Variants in DOP1B observed in about 807,000 individuals in gnomAD.
DOP1B encodes DOP1 leucine zipper like protein B, also known as protein DOP1B.
Under a neutral mutation model 233.5 loss-of-function variants are expected in DOP1B, and 174 were observed. The ratio of observed to expected loss-of-function variants is 0.75; its 90% CI spans 0.66 to 0.85. DOP1B has a LOEUF of 0.85. Ranked by LOEUF, DOP1B falls within the 40% of genes least tolerant of loss-of-function variation. DOP1B has a pLI of 0.00. For synonymous variants in DOP1B, 1,190 were observed against 1,185.6 expected (o/e 1.00, Z -0.08); for missense variants, 2,652 against 2,846.6 (o/e 0.93, Z 1.56).
rs373117409 is a variant in DOP1B, at chr21:36,278,119, T to A, written c.5822+35T>A. ...TCTTCGCCATTTCTTCCCACCCATA[T>A]GCAGAAAAATATGTTTTCACAAATG... On this transcript the variant is annotated intron_variant, in intron 29 of 36. Transcript: ENST00000691173. 17 of 1,613,048 alleles carry A rather than the reference T, an allele frequency of 1.1e-5. No individual in the cohort carries two copies. In the African/African-American group the frequency reaches 2.1e-4, roughly 20 times the overall value.
chr21:36,162,625 C>G (rs984324990), intron 1 of DOP1B, among the ~76,000 whole-genome samples: 1 of 152,152 alleles, frequency 6.6e-6, no homozygotes, highest in African/African-American at 2.4e-5. Flanking sequence ...ACTGCAACCT[C>G]CATGGCTCCT....
intron 1 of DOP1B, among the ~76,000 whole-genome samples, chr21:36,164,031 G>T (rs1232574147): frequency 6.6e-6 from 1 of 152,212 alleles, no homozygotes; most frequent in Non-Finnish European, 1.5e-5. Flanking sequence ...ACATCTCATT[G>T]TCAAGAGCTG....
intron 1 of DOP1B, among the ~76,000 whole-genome samples, chr21:36,159,158 AAAC>A (rs1206449727): frequency 2.6e-5 from 4 of 151,204 alleles, no homozygotes; most frequent in African/African-American, 4.9e-5. Flanking sequence ...AAACAAAACA[AAAC>A]AAAAAAGAGA....
intron 2 of DOP1B, among the ~76,000 whole-genome samples, chr21:36,177,548 A>G (rs1019311557): frequency 6.6e-6 from 1 of 152,164 alleles, no homozygotes; most frequent in African/African-American, 2.4e-5. Flanking sequence ...CTTAACCCCA[A>G]TTTGACAATA....
At position 36,245,679 on chromosome 21, in the gene DOP1B, G is replaced by A. The variant is rs543386949; in HGVS notation, c.3699G>A (p.Gln1233=). Residue 1233 remains glutamine (Q), a synonymous_variant, in exon 19 of 37, where the codon CAG becomes CAA. Coordinates refer to ENST00000691173, the MANE Select transcript of DOP1B (RefSeq NM_001320714.2). This position sits in a 1 kb window ranked among gnomAD's most constrained non-coding sequence, Gnocchi z 5.5. ...ALFKHILLYL[Q]PYDSRRVLYA... ...TCAAGCACATCCTGCTCTACCTGCA[G>A]CCCTACGACTCTCGGCGGGTCCTCT... 9 of 1,613,734 alleles carry A rather than the reference G, an allele frequency of 5.6e-6. No homozygotes were observed. The East Asian group carries it at 2.0e-4, about 36-fold the overall frequency.
At chr21:36,171,014 G>GGA (rs2065967693) in intron 2 of DOP1B, among the ~76,000 whole-genome samples, 1 of 152,188 alleles carries the variant, frequency 6.6e-6, no homozygotes, top group African/African-American at 2.4e-5. Flanking sequence ...TGACATTCAT[G>GGA]GAGAGCTCAC....
At chr21:36,189,964 C>G (rs2066212341) in intron 2 of DOP1B, among the ~76,000 whole-genome samples, 1 of 144,056 alleles carries the variant, frequency 6.9e-6, no homozygotes, top group Non-Finnish European at 1.5e-5. Context: ...GAGCCAAGAT[C>G]ACACTACTGC....
chr21:36,225,471 T>C, intron 11 of DOP1B, 94 bp from the exon 12 acceptor site: 1 of 1,363,240 alleles, frequency 7.3e-7, no homozygotes, highest in Non-Finnish European at 1.0e-6. Context: ...GCTCAGACAG[T>C]CCACCCATCT....
At chr21:36,195,617 CTATG>C (rs1020550980) in intron 2 of DOP1B, among the ~76,000 whole-genome samples, 1 of 152,136 alleles carries the variant, frequency 6.6e-6, no homozygotes, top group African/African-American at 2.4e-5. Context: ...CAGTTCTGGG[CTATG>C]TGTCTTTTTC....
chr21:36,275,160 T>G lies in DOP1B; in HGVS notation c.5633-1861T>G, dbSNP rs542313665. Among the ~76,000 whole-genome samples, 76 of 152,110 alleles carry G rather than the reference T, an allele frequency of 5.0e-4. 2 individuals are homozygous for G. The South Asian group carries it at 0.015, about 30-fold the overall frequency. On this transcript the variant is annotated intron_variant, in intron 27 of 36. Coordinates refer to ENST00000691173, the MANE Select transcript of DOP1B (RefSeq NM_001320714.2). ...GCACCCGGCCTGATTTGTTTTTAAATGGAGGATATCAAAGCCTATTTGCAT... is the reference window on the plus strand; with the variant it reads ...GCACCCGGCCTGATTTGTTTTTAAAGGGAGGATATCAAAGCCTATTTGCAT...
Position 36,230,489 on chromosome 21 carries a change from A to G in DOP1B, c.1705A>G (p.Thr569Ala). Residue 569 changes from threonine to alanine, a missense_variant, in exon 14 of 37, where the codon ACA becomes GCA. By Grantham distance (58) the Thr-to-Ala change is moderately conservative (BLOSUM62 0). Transcript: ENST00000691173. ...KGENGKIILETKAVIPGDEDA... is the reference protein window; with the variant it reads ...KGENGKIILEAKAVIPGDEDA... Reference sequence around the variant, plus strand: ...TGAAAACGGCAAAATAATTTTGGAAACAAAGGCAGTGATTCCCGGTGACGA... The same window carrying G: ...TGAAAACGGCAAAATAATTTTGGAAGCAAAGGCAGTGATTCCCGGTGACGA... 1 of 1,611,432 alleles carries G rather than the reference A, an allele frequency of 6.2e-7. No homozygotes were observed. Among genetic ancestry groups the G allele is most frequent in the South Asian group, 1.1e-5 (1 of 91,046 alleles).
rs1252234792 is a variant in DOP1B, at chr21:36,277,046, G to A, written c.5658G>A (p.Val1886=). The A allele has an allele frequency of 6.2e-7, 1 of 1,614,096 alleles. No individual in the cohort carries two copies. Among genetic ancestry groups the A allele is most frequent in the South Asian group, 1.1e-5 (1 of 91,082 alleles). Residue 1886 remains valine, a synonymous_variant, in exon 28 of 37, where the codon GTG becomes GTA. Coordinates refer to ENST00000691173, the MANE Select transcript of DOP1B (RefSeq NM_001320714.2). The part of the protein sequence containing the change: ...LYDAAAASAM[V]SSSAPSVYSV... Reference sequence around the variant, plus strand: ...ATGCTGCTGCAGCTTCAGCAATGGTGTCTTCATCCGCCCCGTCGGTGTACA... The same window carrying A: ...ATGCTGCTGCAGCTTCAGCAATGGTATCTTCATCCGCCCCGTCGGTGTACA...
intron 23 of DOP1B, among the ~76,000 whole-genome samples, chr21:36,258,588 C>T (rs1175937349): frequency 6.6e-6 from 1 of 152,130 alleles, no homozygotes. Context: ...CGGGGCAGCC[C>T]CCTATAGAAA....
chr21:36,180,543 G>A (rs529562324), intron 2 of DOP1B, among the ~76,000 whole-genome samples: 5 of 151,712 alleles, frequency 3.3e-5, no homozygotes, highest in Admixed American at 6.6e-5. Flanking sequence ...GGCAATAGAC[G>A]GCGCTCCAGC....
chr21:36,183,277 G>A (rs143718309), intron 2 of DOP1B, among the ~76,000 whole-genome samples: 21 of 152,320 alleles, frequency 1.4e-4, no homozygotes, highest in African/African-American at 5.1e-4. Flanking sequence ...GTAACAGCCA[G>A]AAATGTTTCC....
At chr21:36,280,228 T>C in intron 30 of DOP1B, 57 bp from the exon 31 acceptor site, 1 of 1,268,352 alleles carries the variant, frequency 7.9e-7, no homozygotes, top group Non-Finnish European at 1.1e-6. Flanking sequence ...CTTAATGTTT[T>C]GAATCAAACT....
rs952231818 is a variant in DOP1B at position 36,219,578 on chromosome 21, G to GT, written c.1250+87dup. 5 of 1,555,064 alleles carry GT rather than the reference G, an allele frequency of 3.2e-6. No individual in the cohort carries two copies. In the African/African-American group the frequency reaches 6.9e-5, roughly 21 times the overall value. On this transcript the variant is annotated intron_variant, in intron 10 of 36. Coordinates refer to ENST00000691173, the MANE Select transcript of DOP1B (RefSeq NM_001320714.2). Reference sequence around the variant, plus strand: ...TTTCCTCTCTTGCTTACTATAAATTGTGAAGTGGTAGAGAAAGCAGAGATG... The same window carrying GT: ...TTTCCTCTCTTGCTTACTATAAATTGTTGAAGTGGTAGAGAAAGCAGAGATG...
Position 36,245,257 on chromosome 21 carries a change from G to A in DOP1B, c.3277G>A (p.Val1093Met), listed in dbSNP as rs185515268. The part of the protein sequence containing the change: ...ELSEEELPYY[V>M]ELPDRTAHGA... ...GAGCGAGGAAGAGCTGCCCTACTAC[G>A]TGGAGCTTCCAGACAGGACGGCCCA... The change falls in exon 19 of 37, where the codon GTG (valine) becomes ATG (methionine). Residue 1093 changes from valine (V) to methionine (M), a missense_variant. Coordinates refer to ENST00000691173, the MANE Select transcript of DOP1B (RefSeq NM_001320714.2). This position sits in a 1 kb window ranked among gnomAD's most constrained non-coding sequence, Gnocchi z 5.5. 2.5e-6 allele frequency: 4 copies of A among 1,614,090 alleles called. No homozygotes were observed. The highest frequency in any genetic ancestry group is 2.2e-5 in the East Asian group (1 of 44,886).
intron 26 of DOP1B, 130 bp downstream of exon 26, chr21:36,263,944 A>G: frequency 1.1e-6 from 1 of 946,190 alleles, no homozygotes; most frequent in South Asian, 1.5e-5. Context: ...ACTTGTTCTC[A>G]AGTCTTACTT....
Sources: allele counts gnomAD v4.1 joint callset (sites outside exome capture counted in the v4.1 genomes callset), GRCh38; gene constraint gnomAD v4.1.1; non-coding constraint Gnocchi (gnomAD v3.1); transcripts MANE v1.5; gene names NCBI Gene and HGNC (gene_info 2026-07-23, HGNC 2026-07-21).